Variants in TPD52L2 observed in about 807,000 individuals in gnomAD.
TPD52L2 encodes TPD52 like 2.
Under a neutral mutation model 24.7 loss-of-function variants are expected in TPD52L2, and 19 were observed. That is an observed-to-expected ratio of 0.77 (90% CI 0.54 to 1.13). The LOEUF (loss-of-function observed/expected upper bound fraction) is 1.13, where lower values mean the gene tolerates loss of function less well. Ranked by LOEUF, TPD52L2 falls within the 50% of genes most tolerant of loss-of-function variation. The probability of loss-of-function intolerance (pLI) is 0.00; values close to 1 mark genes in which losing one functional copy is unlikely to be tolerated. For synonymous variants in TPD52L2, 104 were observed against 100.2 expected (o/e 1.04, Z -0.23); for missense variants, 236 against 250.4 (o/e 0.94, Z 0.39).
chr20:63,887,963 G>A (rs762837447), intron 5 of TPD52L2: 30 of 355,106 alleles, frequency 8.4e-5, no homozygotes, highest in Non-Finnish European at 1.4e-4. Context: ...GACACTTCAC[G>A]GTCTCAGCCT....
intron 4 of TPD52L2, among the ~76,000 whole-genome samples, chr20:63,878,922 C>T (rs1160442705): frequency 2.0e-5 from 3 of 152,214 alleles, no homozygotes; most frequent in East Asian, 1.9e-4. Context: ...TCAGCTTCCC[C>T]ATCTGTCATG....
chr20:63,886,635 C>A (rs1032134879), intron 5 of TPD52L2, among the ~76,000 whole-genome samples: 1 of 151,246 alleles, frequency 6.6e-6, no homozygotes, highest in Non-Finnish European at 1.5e-5. Flanking sequence ...AAGCGTGAGC[C>A]ACCGCGCCCG....
intron 3 of TPD52L2, among the ~76,000 whole-genome samples, chr20:63,875,432 A>G (rs1235703008): frequency 6.6e-6 from 1 of 152,222 alleles, no homozygotes; most frequent in African/African-American, 2.4e-5. Context: ...GTCACATTTC[A>G]TAAATCTCAC....
chr20:63,882,944 A>G (rs2052956952), intron 5 of TPD52L2, 124 bp downstream of exon 5: 2 of 717,756 alleles, frequency 2.8e-6, no homozygotes. Context: ...GGATGTGGCC[A>G]TCCATCATGG....
rs774019679 is a variant in TPD52L2 at position 63,889,927 on chromosome 20, G to A, written c.603G>A (p.Ser201=). The A allele has an allele frequency of 6.8e-6, 11 of 1,614,034 alleles. No individual in the cohort carries two copies. Among genetic ancestry groups the A allele is most frequent in the African/African-American group, 1.3e-5 (1 of 74,932 alleles). ...SSAGSGDKPL[S]DPAPF ...CGGGGAGTGGTGACAAGCCCCTGTC[G>A]GATCCCGCACCTTTCTAAGCCTGTG... The change falls in exon 7 of 7, where the codon TCG becomes TCA. Residue 201 remains serine, a synonymous_variant. Transcript: ENST00000346249.
At chr20:63,885,418 C>T (rs562535659) in intron 5 of TPD52L2, among the ~76,000 whole-genome samples, 1 of 152,226 alleles carries the variant, frequency 6.6e-6, no homozygotes, top group African/African-American at 2.4e-5. Context: ...CAGAGTGGGC[C>T]TGGCTGCAGT....
chr20:63,878,199 C>T (rs1043768990), intron 4 of TPD52L2, among the ~76,000 whole-genome samples: 6 of 152,224 alleles, frequency 3.9e-5, no homozygotes, highest in Non-Finnish European at 7.3e-5. Flanking sequence ...CAGCTATTGG[C>T]GCCCTGGAGG....
At chr20:63,888,127 C>T (rs932219774) in intron 5 of TPD52L2, 1 of 160,966 alleles carries the variant, frequency 6.2e-6, no homozygotes, top group South Asian at 1.6e-4. Context: ...CGTCAGGCAC[C>T]GCCCTGATTC....
At chr20:63,868,865 C>T (rs1275630084) in intron 1 of TPD52L2, among the ~76,000 whole-genome samples, 2 of 152,096 alleles carry the variant, frequency 1.3e-5, no homozygotes, top group African/African-American at 4.8e-5. Context: ...CACTTGAACC[C>T]GGGAGACGGA....
chr20:63,874,483 C>T (rs573647292), intron 3 of TPD52L2, among the ~76,000 whole-genome samples: 64 of 152,012 alleles, frequency 4.2e-4, no homozygotes, highest in Middle Eastern at 6.8e-3. Flanking sequence ...AAGCAATCCT[C>T]CCAACTCAAC....
chr20:63,875,713 G>T (rs1167024151), intron 3 of TPD52L2, 103 bp from the exon 4 acceptor site: 27 of 1,214,352 alleles, frequency 2.2e-5, no homozygotes, highest in Admixed American at 7.5e-5. Flanking sequence ...TGATGTTCCT[G>T]CCAGCTGGTC....
At chr20:63,888,393 G>C (rs1439308695) in intron 5 of TPD52L2, 1 of 152,094 alleles carries the variant, frequency 6.6e-6, no homozygotes, top group Non-Finnish European at 1.5e-5. Context: ...AGAGCCCAGG[G>C]TGTCCCTGTA....
At chr20:63,882,463 G>A (rs77631440) in intron 4 of TPD52L2, among the ~76,000 whole-genome samples, 1 of 152,260 alleles carries the variant, frequency 6.6e-6, no homozygotes, top group African/African-American at 2.4e-5. Flanking sequence ...TTGCAGGGCT[G>A]GGGGGCCGAG....
chr20:63,878,972 T>C (rs1292398408), intron 4 of TPD52L2, among the ~76,000 whole-genome samples: 1 of 152,146 alleles, frequency 6.6e-6, no homozygotes, highest in Non-Finnish European at 1.5e-5. Context: ...CTGAGGAATG[T>C]GTGTGCCTGT....
Position 63,877,924 on chromosome 20 carries a change from G to C in TPD52L2, c.374+2049G>C, listed in dbSNP as rs1367343647. ...AGGCCGAGGGCGATGGTTTCTGGTGGGAAGGCCCAGGCCGAGGGCGATGGT... is the reference window on the plus strand; with the variant it reads ...AGGCCGAGGGCGATGGTTTCTGGTGCGAAGGCCCAGGCCGAGGGCGATGGT... On this transcript the variant is annotated intron_variant, in intron 4 of 6. Transcript: ENST00000346249. The surrounding 1 kb of genome is among the most constrained non-coding windows in gnomAD (Gnocchi z 4.1). 1.3e-5 allele frequency among the ~76,000 whole-genome samples: 2 copies of C among 152,272 alleles called. No individual in the cohort carries two copies. The highest frequency in any genetic ancestry group is 2.9e-5 in the Non-Finnish European group (2 of 68,044).
intron 2 of TPD52L2, among the ~76,000 whole-genome samples, chr20:63,870,388 T>G (rs1167712495): frequency 1.3e-5 from 2 of 152,178 alleles, no homozygotes; most frequent in African/African-American, 4.8e-5. Context: ...CACAGCTATT[T>G]CTAGCCTAGA....
At chr20:63,889,304 A>G (rs1396772378) in intron 6 of TPD52L2, 66 bp downstream of exon 6, 5 of 1,386,630 alleles carry the variant, frequency 3.6e-6, no homozygotes, top group Non-Finnish European at 4.1e-6. Context: ...CTTGTTTATT[A>G]TTAGTCATTT....
At chr20:63,871,944 A>C (rs1034848391) in intron 2 of TPD52L2, among the ~76,000 whole-genome samples, 1 of 151,952 alleles carries the variant, frequency 6.6e-6, no homozygotes, top group African/African-American at 2.4e-5. Flanking sequence ...AAGAAAGAGA[A>C]TTTTTAAAGA....
intron 4 of TPD52L2, among the ~76,000 whole-genome samples, chr20:63,878,934 A>T (rs938831882): frequency 2.0e-5 from 3 of 152,062 alleles, no homozygotes; most frequent in African/African-American, 4.8e-5. Flanking sequence ...TCTGTCATGG[A>T]GTAATAACAA....
Sources: allele counts gnomAD v4.1 joint callset (sites outside exome capture counted in the v4.1 genomes callset), GRCh38; gene constraint gnomAD v4.1.1; non-coding constraint Gnocchi (gnomAD v3.1); transcripts MANE v1.5; gene names NCBI Gene and HGNC (gene_info 2026-07-23, HGNC 2026-07-21).